SNX16: variants seen among roughly 807,000 people sequenced by gnomAD.
SNX16 encodes sorting nexin-16.
Under a neutral mutation model 36.7 loss-of-function variants are expected in SNX16, and 35 were observed. The ratio of observed to expected loss-of-function variants is 0.95; its 90% CI spans 0.73 to 1.27. SNX16 has a LOEUF of 1.27. Among genes scored for constraint, SNX16 ranks in the 50% most tolerant of loss-of-function variants. SNX16 has a pLI of 0.00. For missense variants in SNX16, 367 were observed against 393.6 expected (o/e 0.93, Z 0.57); for synonymous variants, 134 against 132.0 (o/e 1.02, Z -0.10).
intron 5 of SNX16, among the ~76,000 whole-genome samples, chr8:81,806,314 A>C (rs181712018): frequency 1.5e-4 from 23 of 152,162 alleles, no homozygotes; most frequent in African/African-American, 5.3e-4. Context: ...CCAGTAATTA[A>C]AAAAATACGC....
Position 81,829,503 on chromosome 8 carries a change from A to C in SNX16, c.389T>G (p.Leu130Arg). 46 of 1,383,464 alleles carry C rather than the reference A, an allele frequency of 3.3e-5. No individual in the cohort carries two copies. The highest frequency in any genetic ancestry group is 4.4e-5 in the Non-Finnish European group (46 of 1,049,458). The allele number at this position is 1,383,464 out of a possible 1,614,324, so 85.7% of individuals were successfully genotyped here. Residue 130 changes from leucine to arginine, a missense_variant, in exon 3 of 8, where the codon CTA (leucine) becomes CGA (arginine). Coordinates refer to ENST00000345957, the MANE Select transcript of SNX16 (RefSeq NM_152836.3). ...ERAKFTVYKI[L>R]VKKTPEESWV... Reference sequence around the variant, plus strand: ...GCTTTCTTCTGGGGTTTTCTTTACTAGTATTTTATATACCTATGCACAGGA... The same window carrying C: ...GCTTTCTTCTGGGGTTTTCTTTACTCGTATTTTATATACCTATGCACAGGA...
At chr8:81,838,602 T>C (rs1586026727) in intron 2 of SNX16, among the ~76,000 whole-genome samples, 1 of 147,046 alleles carries the variant, frequency 6.8e-6, no homozygotes, top group Non-Finnish European at 1.5e-5. Flanking sequence ...GACTTGACCC[T>C]CACCTCACAC....
Position 81,799,596 on chromosome 8 carries a change from A to C in SNX16, c.*1901T>G, listed in dbSNP as rs1809590091. The C allele has an allele frequency of 6.6e-6, 1 of 152,070 alleles. No homozygotes were observed. Among genetic ancestry groups the C allele is most frequent in the Admixed American group, 6.5e-5 (1 of 15,278 alleles). The allele number at this position is 152,070 out of a possible 1,614,324, so 9.4% of individuals were successfully genotyped here. A position where few individuals can be genotyped will look rare whatever the true frequency, so the allele number is the denominator to read the frequency against. ...ACACAGCTACTGTTGTAGTGAAAAA[A>C]TAATTTATTAAATGAACATAATACT... On this transcript the variant is annotated 3_prime_UTR_variant, in exon 8 of 8. Transcript: ENST00000345957.
chr8:81,811,457 C>T (rs887972986), intron 5 of SNX16, among the ~76,000 whole-genome samples: 1 of 152,098 alleles, frequency 6.6e-6, no homozygotes, highest in Non-Finnish European at 1.5e-5. Context: ...TATACAGATC[C>T]ATTACCAGAG....
intron 5 of SNX16, among the ~76,000 whole-genome samples, chr8:81,814,050 T>C (rs1331997511): frequency 1.3e-5 from 2 of 152,070 alleles, no homozygotes; most frequent in South Asian, 2.1e-4. Context: ...CAAACACTTC[T>C]ACTCTTAGGG....
chr8:81,801,327 T>A lies in SNX16; in HGVS notation c.*170A>T. 2.4e-6 allele frequency: 1 copy of A among 415,712 alleles called. No individual in the cohort carries two copies. Among genetic ancestry groups the A allele is most frequent in the Non-Finnish European group, 4.3e-6 (1 of 234,718 alleles). The allele number at this position is 415,712 out of a possible 1,614,324, so 25.8% of individuals were successfully genotyped here. A position where few individuals can be genotyped will look rare whatever the true frequency, so the allele number is the denominator to read the frequency against. On this transcript the variant is annotated 3_prime_UTR_variant, in exon 8 of 8. Transcript: ENST00000345957. ...AAATACAATTAAAAGCAGCAGTGAA[T>A]ATATTTCCTATCTCAATAACTTAAA...
At chr8:81,840,981 C>A (rs909685779) in intron 1 of SNX16, among the ~76,000 whole-genome samples, 1 of 152,090 alleles carries the variant, frequency 6.6e-6, no homozygotes, top group Non-Finnish European at 1.5e-5. Context: ...ACTTTTCATA[C>A]GAAACTCTAC....
intron 2 of SNX16, among the ~76,000 whole-genome samples, chr8:81,830,336 G>A (rs1205034814): frequency 3.3e-5 from 5 of 152,132 alleles, no homozygotes; most frequent in East Asian, 1.9e-4. Flanking sequence ...TTGGGAGGCC[G>A]AGGTGGGCGG....
intron 4 of SNX16, among the ~76,000 whole-genome samples, chr8:81,822,387 G>C (rs1331678894): frequency 6.6e-6 from 1 of 152,064 alleles, no homozygotes; most frequent in African/African-American, 2.4e-5. Context: ...GTACAGAGAA[G>C]GGGAGGTGGG....
intron 2 of SNX16, among the ~76,000 whole-genome samples, chr8:81,835,928 G>A (rs1196530778): frequency 1.3e-5 from 2 of 152,162 alleles, no homozygotes; most frequent in African/African-American, 4.8e-5. Flanking sequence ...GGAAAGACCT[G>A]CCCCAATGAT....
intron 5 of SNX16, among the ~76,000 whole-genome samples, chr8:81,807,237 G>A (rs1393526138): frequency 6.6e-6 from 1 of 151,958 alleles, no homozygotes; most frequent in African/African-American, 2.4e-5. Context: ...TGAACTGAGT[G>A]GCCAGGCATG....
At chr8:81,841,341 C>CAAAAA (rs34609959) in intron 1 of SNX16, among the ~76,000 whole-genome samples, 1 of 89,678 alleles carries the variant, frequency 1.1e-5, no homozygotes, top group Non-Finnish European at 2.3e-5. Flanking sequence ...AACTCCGTCT[C>CAAAAA]AAAAAAAAAA....
At chr8:81,830,923 A>C (rs553253775) in intron 2 of SNX16, among the ~76,000 whole-genome samples, 4 of 152,166 alleles carry the variant, frequency 2.6e-5, no homozygotes, top group Non-Finnish European at 5.9e-5. Context: ...CAGACATATA[A>C]ACCAATGGAA....
chr8:81,823,546 A>G (rs942932876), intron 4 of SNX16, among the ~76,000 whole-genome samples: 4 of 152,110 alleles, frequency 2.6e-5, no homozygotes, highest in Non-Finnish European at 5.9e-5. Context: ...GGTTTAGTAC[A>G]TGGTACACTG....
chr8:81,815,054 ATT>A (rs1274062395), intron 5 of SNX16: 1 of 182,076 alleles, frequency 5.5e-6, no homozygotes, highest in Admixed American at 5.8e-5. Context: ...CCCCCAAATC[ATT>A]TTTTTTGAAA....
At chr8:81,836,256 T>C (rs1811490529) in intron 2 of SNX16, among the ~76,000 whole-genome samples, 2 of 152,242 alleles carry the variant, frequency 1.3e-5, no homozygotes, top group South Asian at 4.1e-4. Context: ...TGAGTCCTAA[T>C]ACTTTTTTCA....
rs373799680 is a variant in SNX16, at chr8:81,802,461, G to A, written c.857C>T (p.Ser286Leu). 1.4e-5 allele frequency: 23 copies of A among 1,609,336 alleles called. No homozygotes were observed. The highest frequency in any genetic ancestry group is 1.8e-5 in the Non-Finnish European group (21 of 1,177,110). The change falls in exon 7 of 8, where the codon TCA becomes TTA. Residue 286 changes from serine (S) to leucine (L), a missense_variant. Ser to Leu is a moderately radical substitution (Grantham distance 145). Transcript: ENST00000345957. ...TAGGATCTGTTCACCTTCTGTTTCT[G>A]ACACATCCAGTGATTCTTCAGGTTC... ...SLEPEESLDVSETEGEQILKV... is the reference protein window; with the variant it reads ...SLEPEESLDVLETEGEQILKV...
At chr8:81,803,411 C>T (rs1256894329) in intron 5 of SNX16, among the ~76,000 whole-genome samples, 183 bp from the exon 6 acceptor site, 1 of 151,936 alleles carries the variant, frequency 6.6e-6, no homozygotes, top group Non-Finnish European at 1.5e-5. Context: ...GGTATCTTAA[C>T]TTTAGTTCCC....
intron 4 of SNX16, among the ~76,000 whole-genome samples, chr8:81,822,393 G>A (rs190870202): frequency 6.6e-6 from 1 of 152,174 alleles, no homozygotes; most frequent in African/African-American, 2.4e-5. Flanking sequence ...AGAAGGGGAG[G>A]TGGGCAGGAA....
Sources: allele counts gnomAD v4.1 joint callset (sites outside exome capture counted in the v4.1 genomes callset), GRCh38; gene constraint gnomAD v4.1.1; transcripts MANE v1.5; gene names NCBI Gene and HGNC (gene_info 2026-07-23, HGNC 2026-07-21).